The following GRIK5 variants were observed in gnomAD, a reference collection of about 807,000 sequenced individuals.
GRIK5 encodes the protein glutamate ionotropic receptor kainate type subunit 5.
Under a neutral mutation model 97.4 loss-of-function variants are expected in GRIK5, and 43 were observed. That is an observed-to-expected ratio of 0.44 (90% CI 0.35 to 0.57). GRIK5 has a LOEUF of 0.57. GRIK5 is among the 20% of genes least tolerant of loss of function. GRIK5 has a pLI of 0.01. For missense variants in GRIK5, 1,015 were observed against 1,382.0 expected (o/e 0.73, Z 4.21); for synonymous variants, 580 against 583.5 (o/e 0.99, Z 0.09).
chr19:42,038,078 C>G (rs998461197), intron 12 of GRIK5, among the ~76,000 whole-genome samples: 16 of 152,212 alleles, frequency 1.1e-4, no homozygotes, highest in African/African-American at 3.1e-4. Flanking sequence ...ATCCTGAGGG[C>G]CTCAGGGGCT....
chr19:42,041,557 A>T (rs1177236652), intron 12 of GRIK5, among the ~76,000 whole-genome samples: 1 of 152,078 alleles, frequency 6.6e-6, no homozygotes, highest in African/African-American at 2.4e-5. Flanking sequence ...GAGAGAAATG[A>T]CACTTAAGGA....
rs2075983375 is a variant in GRIK5, at chr19:42,042,025, C to T, written c.1473+527G>A. On this transcript the variant is annotated intron_variant, in intron 12 of 19. Coordinates refer to ENST00000593562, the MANE Select transcript of GRIK5 (RefSeq NM_002088.5). The surrounding 1 kb of genome is among the most constrained non-coding windows in gnomAD (Gnocchi z 6.9). ...ACTGTGCTCACAGTGGGATCCCATGCCCAGCAAGAGGCAAGGCACATAGTA... is the reference window on the plus strand; with the variant it reads ...ACTGTGCTCACAGTGGGATCCCATGTCCAGCAAGAGGCAAGGCACATAGTA... Among the ~76,000 whole-genome samples, 5 of 152,138 alleles carry T rather than the reference C, an allele frequency of 3.3e-5. No individual in the cohort carries two copies. The highest frequency in any genetic ancestry group is 3.3e-4 in the Admixed American group (5 of 15,286).
rs2076276171 is a variant in GRIK5 at position 42,062,714 on chromosome 19, G to A, written c.342+44C>T. ...TCTCCGCCCAGCCCTCGCCTCCCAG[G>A]GACCCGCTCCCCACAAAGCGCCGGC... On this transcript the variant is annotated intron_variant, in intron 4 of 19. Coordinates refer to ENST00000593562, the MANE Select transcript of GRIK5 (RefSeq NM_002088.5). This position sits in a 1 kb window ranked among gnomAD's most constrained non-coding sequence, Gnocchi z 5.3. 6.2e-7 allele frequency: 1 copy of A among 1,612,466 alleles called. No individual in the cohort carries two copies. The highest frequency in any genetic ancestry group is 1.7e-5 in the Admixed American group (1 of 59,998).
intron 15 of GRIK5, among the ~76,000 whole-genome samples, chr19:42,018,666 A>G (rs916854098): frequency 4.0e-3 from 7 of 1,760 alleles, no homozygotes; most frequent in African/African-American, 0.013. Flanking sequence ...CTCAAAAAAA[A>G]GCGGGGGGGG....
chr19:42,065,419 C>G lies in GRIK5; in HGVS notation c.80-32G>C. ...GGACACATGGGTTGGGGACCAGACT[C>G]CTGAGTCCTGAGGAAGGAGGGGGCT... is the stretch of plus-strand genomic sequence containing the variant. On this transcript the variant is annotated intron_variant, in intron 2 of 19. Transcript: ENST00000593562. This position sits in a 1 kb window ranked among gnomAD's most constrained non-coding sequence, Gnocchi z 5.8. The G allele has an allele frequency of 1.3e-6, 2 of 1,548,406 alleles. No individual in the cohort carries two copies. Among genetic ancestry groups the G allele is most frequent in the Non-Finnish European group, 1.7e-6 (2 of 1,145,904 alleles).
At position 42,006,707 on chromosome 19, in the gene GRIK5, C is replaced by A; in HGVS notation, c.1975G>T (p.Ala659Ser). The change falls in exon 16 of 20, where the codon GCA becomes TCA. Residue 659 changes from alanine (A) to serine (S), a missense_variant. Coordinates refer to ENST00000593562, the MANE Select transcript of GRIK5 (RefSeq NM_002088.5). The surrounding 1 kb of genome is among the most constrained non-coding windows in gnomAD (Gnocchi z 5.3). ...EVPVESADDL[A>S]DQTNIEYGTI... The stretch of plus-strand genomic sequence containing the variant: ...CCATACTCGATGTTGGTCTGATCTG[C>A]CAGGTCATCGGCCGACTCCACAGGC... 1 of 1,614,038 alleles carries A rather than the reference C, an allele frequency of 6.2e-7. No individual in the cohort carries two copies.
At position 42,002,646 on chromosome 19, in the gene GRIK5, G is replaced by T. The variant is rs1370753385; in HGVS notation, c.2514+686C>A. On this transcript the variant is annotated intron_variant, in intron 19 of 19. Transcript: ENST00000593562. The surrounding 1 kb of genome is among the most constrained non-coding windows in gnomAD (Gnocchi z 5.2). Reference sequence around the variant, plus strand: ...GAAGCAGGGAACCAGCAGTCCAGGGGTGCAAGAGCACGAATGGGTCTGGAA... The same window carrying T: ...GAAGCAGGGAACCAGCAGTCCAGGGTTGCAAGAGCACGAATGGGTCTGGAA... The T allele has an allele frequency of 3.2e-6, 2 of 620,090 alleles. No individual in the cohort carries two copies. Among genetic ancestry groups the T allele is most frequent in the Non-Finnish European group, 5.8e-6 (2 of 343,886 alleles). The allele number at this position is 620,090 out of a possible 1,614,324, so 38.4% of individuals were successfully genotyped here.
rs187599819 is a variant in GRIK5, at chr19:42,065,230, C to G, written c.237G>C (p.Thr79=). 3 of 1,610,140 alleles carry G rather than the reference C, an allele frequency of 1.9e-6. No individual in the cohort carries two copies. The highest frequency in any genetic ancestry group is 2.5e-6 in the Non-Finnish European group (3 of 1,177,726). ...ELQRDSQYET[T]DTMCQILPKG... ...CCCCATGGCCCCGCTCACTGGTGTCCGTGGTCTCGTACTGGCTGTCCCGCT... is the reference window on the plus strand; with the variant it reads ...CCCCATGGCCCCGCTCACTGGTGTCGGTGGTCTCGTACTGGCTGTCCCGCT... The change falls in exon 3 of 20, where the codon ACG becomes ACC. Residue 79 remains threonine, a synonymous_variant. Transcript: ENST00000593562. This position sits in a 1 kb window ranked among gnomAD's most constrained non-coding sequence, Gnocchi z 5.8.
chr19:42,054,299 C>T (rs1300583617), intron 9 of GRIK5, 21 bp downstream of exon 9: 1 of 1,596,552 alleles, frequency 6.3e-7, no homozygotes, highest in Non-Finnish European at 8.5e-7. Flanking sequence ...GCCTCCTCCA[C>T]CCATCCCCGC....
Position 42,021,626 on chromosome 19 carries a change from A to G in GRIK5, c.1698-152T>C, listed in dbSNP as rs942460692. 11 of 620,194 alleles carry G rather than the reference A, an allele frequency of 1.8e-5. No individual in the cohort carries two copies. The highest frequency in any genetic ancestry group is 3.1e-5 in the Non-Finnish European group (11 of 357,324). The allele number at this position is 620,194 out of a possible 1,614,324, so 38.4% of individuals were successfully genotyped here. ...AGAAGCACACAGAGAAAAGGCAGAG[A>G]GAGATGCACAGAGATGGAGACAGAA... On this transcript the variant is annotated intron_variant, in intron 14 of 19. Coordinates refer to ENST00000593562, the MANE Select transcript of GRIK5 (RefSeq NM_002088.5). This position sits in a 1 kb window ranked among gnomAD's most constrained non-coding sequence, Gnocchi z 4.2.
chr19:42,051,976 T>C (rs376003827), intron 11 of GRIK5, among the ~76,000 whole-genome samples: 17 of 152,154 alleles, frequency 1.1e-4, no homozygotes, highest in Admixed American at 6.5e-4. Context: ...TAGTCCCTCA[T>C]TGTGGGAATG....
Position 42,053,657 on chromosome 19 carries a change from T to G in GRIK5, c.1214A>C (p.Asp405Ala). 6.2e-7 allele frequency: 1 copy of G among 1,613,692 alleles called. No homozygotes were observed. The highest frequency in any genetic ancestry group is 8.5e-7 in the Non-Finnish European group (1 of 1,179,628). Reference protein sequence around the residue: ...RTLAMNATTLDINLSQTLANK... With the variant: ...RTLAMNATTLAINLSQTLANK... ...GGCCAGTGTCTGCGACAGGTTGATG[T>G]CCAGGGTGGTGGCATTCATGGCCAG... Residue 405 changes from aspartate (D) to alanine (A), a missense_variant, in exon 11 of 20, where the codon GAC (aspartate) becomes GCC (alanine). Coordinates refer to ENST00000593562, the MANE Select transcript of GRIK5 (RefSeq NM_002088.5).
intron 12 of GRIK5, among the ~76,000 whole-genome samples, chr19:42,024,493 G>A (rs1599775369): frequency 6.6e-6 from 1 of 152,212 alleles, no homozygotes; most frequent in East Asian, 1.9e-4. Flanking sequence ...GATTACAGGC[G>A]TGAGCCACCG....
intron 12 of GRIK5, among the ~76,000 whole-genome samples, chr19:42,041,447 C>T (rs1164270987): frequency 6.6e-6 from 1 of 152,184 alleles, no homozygotes; most frequent in East Asian, 1.9e-4. Flanking sequence ...ATCTGCCAAG[C>T]GATGTGTGAG....
chr19:42,054,251 G>A (rs1568923984), intron 9 of GRIK5, 69 bp downstream of exon 9: 5 of 1,517,758 alleles, frequency 3.3e-6, no homozygotes, highest in Non-Finnish European at 4.5e-6. Context: ...CCACAGGGTG[G>A]TCACAGTGAG....
At chr19:42,068,783 A>G in intron 1 of GRIK5, 1 of 566,826 alleles carries the variant, frequency 1.8e-6, no homozygotes, top group Non-Finnish European at 3.2e-6. Flanking sequence ...CAAGAGACAC[A>G]GGAAATGGGG....
chr19:42,047,931 C>T (rs1254074384), intron 11 of GRIK5, among the ~76,000 whole-genome samples: 3 of 141,720 alleles, frequency 2.1e-5, no homozygotes, highest in Non-Finnish European at 1.5e-5. Context: ...AGATCGCATG[C>T]TACTACATTC....
rs1373765956 is a variant in GRIK5 at position 41,999,394 on chromosome 19, G to T, written c.2515-95C>A. 2.1e-6 allele frequency: 2 copies of T among 939,828 alleles called. No individual in the cohort carries two copies. The highest frequency in any genetic ancestry group is 3.0e-6 in the Non-Finnish European group (2 of 665,558). 58.2% of individuals were successfully genotyped at this position (939,828 alleles called of 1,614,324 possible). ...TCCCACTCCTCCTCCTCCTTTCCTC[G>T]CCCGGGTCTTTCTTCCTTCTGCCCT... is the stretch of plus-strand genomic sequence containing the variant. On this transcript the variant is annotated intron_variant, in intron 19 of 19. Transcript: ENST00000593562. The surrounding 1 kb of genome is among the most constrained non-coding windows in gnomAD (Gnocchi z 5.0).
intron 12 of GRIK5, among the ~76,000 whole-genome samples, chr19:42,038,172 G>C (rs1049926931): frequency 1.3e-5 from 2 of 152,200 alleles, no homozygotes; most frequent in African/African-American, 2.4e-5. Context: ...GGAGAGACTA[G>C]AAGCCAGGAG....
Sources: allele counts gnomAD v4.1 joint callset (sites outside exome capture counted in the v4.1 genomes callset), GRCh38; gene constraint gnomAD v4.1.1; non-coding constraint Gnocchi (gnomAD v3.1); transcripts MANE v1.5; gene names NCBI Gene and HGNC (gene_info 2026-07-23, HGNC 2026-07-21).